Variants in AFG1L observed in about 807,000 individuals in gnomAD.
AFG1L encodes AFG1 like ATPase.
Under a neutral mutation model 62.2 loss-of-function variants are expected in AFG1L, and 53 were observed. That is an observed-to-expected ratio of 0.85 (90% CI 0.68 to 1.07). The LOEUF (loss-of-function observed/expected upper bound fraction) is 1.07. AFG1L is among the 50% of genes least tolerant of loss of function. The pLI is 0.00. For synonymous variants in AFG1L, 228 were observed against 210.3 expected (o/e 1.08, Z -0.73); for missense variants, 555 against 590.5 (o/e 0.94, Z 0.62).
intron 10 of AFG1L, among the ~76,000 whole-genome samples, chr6:108,503,669 A>G (rs1365521200): frequency 6.6e-6 from 1 of 152,202 alleles, no homozygotes; most frequent in Non-Finnish European, 1.5e-5. Flanking sequence ...ACTTAAAGTC[A>G]CCAGCTGCAT....
At chr6:108,401,170 C>G (rs1781589512) in intron 6 of AFG1L, among the ~76,000 whole-genome samples, 1 of 140,194 alleles carries the variant, frequency 7.1e-6, no homozygotes, top group African/African-American at 2.6e-5. Context: ...GAGTCTCGCT[C>G]TGTCGCCCAG....
chr6:108,358,349 C>T lies in AFG1L; in HGVS notation c.648+1529C>T, dbSNP rs146466068. ...AATACCTAGCCTTTGTAAAATGATC[C>T]GTAGTTTACAATGTGTTTTTACATC... is the stretch of plus-strand genomic sequence containing the variant. On this transcript the variant is annotated intron_variant, in intron 5 of 12. Transcript: ENST00000368977. Among the ~76,000 whole-genome samples the T allele has an allele frequency of 2.5e-3, 386 of 152,148 alleles. 1 individual carries two copies. Among genetic ancestry groups the T allele is most frequent in the Non-Finnish European group, 4.1e-3 (276 of 67,988 alleles).
At chr6:108,508,670 T>C (rs1774519519) in intron 10 of AFG1L, among the ~76,000 whole-genome samples, 1 of 152,194 alleles carries the variant, frequency 6.6e-6, no homozygotes, top group Admixed American at 6.5e-5. Flanking sequence ...GATTTACTTG[T>C]ACCTCCCCAC....
At chr6:108,409,763 C>T (rs1243704489) in intron 7 of AFG1L, among the ~76,000 whole-genome samples, 1 of 152,024 alleles carries the variant, frequency 6.6e-6, no homozygotes, top group Non-Finnish European at 1.5e-5. Context: ...ATCAGTGATA[C>T]AGAGCCCAAA....
chr6:108,443,977 CAA>C (rs1186482332), intron 7 of AFG1L, among the ~76,000 whole-genome samples: 1 of 151,992 alleles, frequency 6.6e-6, no homozygotes, highest in Non-Finnish European at 1.5e-5. Context: ...TGAATGCAAA[CAA>C]AATGTCAGCC....
At chr6:108,450,254 C>G (rs1771995903) in intron 8 of AFG1L, among the ~76,000 whole-genome samples, 1 of 152,336 alleles carries the variant, frequency 6.6e-6, no homozygotes, top group Admixed American at 6.5e-5. Flanking sequence ...CACATCCTCT[C>G]CAGCACCTGT....
intron 7 of AFG1L, among the ~76,000 whole-genome samples, chr6:108,434,752 G>A (rs1373482232): frequency 6.6e-6 from 1 of 152,038 alleles, no homozygotes; most frequent in Non-Finnish European, 1.5e-5. Context: ...AGCTTCTATA[G>A]CCCCATTTTG....
At chr6:108,467,387 AG>A (rs1275753063) in intron 8 of AFG1L, among the ~76,000 whole-genome samples, 1 of 151,822 alleles carries the variant, frequency 6.6e-6, no homozygotes, top group Non-Finnish European at 1.5e-5. Context: ...CTGGGATTAC[AG>A]GCCCCCGCCA....
intron 8 of AFG1L, among the ~76,000 whole-genome samples, chr6:108,448,485 CT>C (rs1393816943): frequency 6.7e-6 from 1 of 149,676 alleles, no homozygotes; most frequent in Admixed American, 6.6e-5. Flanking sequence ...TTCTTGTTCT[CT>C]GTTTTTTTTC....
At chr6:108,465,329 A>G (rs1369722717) in intron 8 of AFG1L, among the ~76,000 whole-genome samples, 3 of 152,292 alleles carry the variant, frequency 2.0e-5, no homozygotes, top group African/African-American at 7.2e-5. Context: ...AGATGTCTCT[A>G]CTTCCTCAAA....
At chr6:108,304,408 A>G (rs1777127014) in intron 1 of AFG1L, among the ~76,000 whole-genome samples, 1 of 152,256 alleles carries the variant, frequency 6.6e-6, no homozygotes, top group Non-Finnish European at 1.5e-5. Context: ...ATAATAGAGC[A>G]TAAAATGGGC....
At chr6:108,515,414 A>G (rs1203351009) in intron 11 of AFG1L, among the ~76,000 whole-genome samples, 7 of 152,206 alleles carry the variant, frequency 4.6e-5, no homozygotes, top group Non-Finnish European at 7.3e-5. Flanking sequence ...GGTACATAAC[A>G]AAATGAAGGC....
chr6:108,445,596 A>G lies in AFG1L; in HGVS notation c.808-1618A>G, dbSNP rs1193781961. Among the ~76,000 whole-genome samples, 5 of 148,342 alleles carry G rather than the reference A, an allele frequency of 3.4e-5. No individual in the cohort carries two copies. In the Admixed American group the frequency reaches 3.4e-4, roughly 10 times the overall value. On this transcript the variant is annotated intron_variant, in intron 7 of 12. Coordinates refer to ENST00000368977, the MANE Select transcript of AFG1L (RefSeq NM_145315.5). ...TAGGGCTATTAATCGACATAATTTC[A>G]ATATTCTTGTTTCTCAGAGCATAGG...
chr6:108,508,604 CCTT>C (rs1167361992), intron 10 of AFG1L, among the ~76,000 whole-genome samples: 7 of 152,120 alleles, frequency 4.6e-5, no homozygotes, highest in Non-Finnish European at 7.4e-5. Context: ...ATTGCTGCAT[CCTT>C]CTTAGAACTG....
At chr6:108,334,000 TTTTTG>T (rs773731148) in intron 2 of AFG1L, among the ~76,000 whole-genome samples, 21 of 152,232 alleles carry the variant, frequency 1.4e-4, no homozygotes, top group Non-Finnish European at 2.5e-4. Context: ...GTTAGTTTTG[TTTTTG>T]TTTTGTTTTG....
chr6:108,385,420 G>A (rs1780719966), intron 6 of AFG1L, among the ~76,000 whole-genome samples: 2 of 152,228 alleles, frequency 1.3e-5, no homozygotes, highest in South Asian at 2.1e-4. Context: ...TTAAGGACAT[G>A]TTCTTGCTGC....
At chr6:108,516,491 G>T (rs919186780) in intron 11 of AFG1L, among the ~76,000 whole-genome samples, 28 of 152,210 alleles carry the variant, frequency 1.8e-4, no homozygotes, top group African/African-American at 6.7e-4. Context: ...AGGTATTGAT[G>T]GGATGTATCT....
intron 10 of AFG1L, among the ~76,000 whole-genome samples, chr6:108,496,026 G>A (rs1011419852): frequency 6.6e-6 from 1 of 152,176 alleles, no homozygotes; most frequent in Non-Finnish European, 1.5e-5. Context: ...ACTAACTGAA[G>A]TGCCATTTAG....
chr6:108,399,178 GTTTTTTTTTTTTTT>G (rs57304886), intron 6 of AFG1L, among the ~76,000 whole-genome samples: 2 of 62,206 alleles, frequency 3.2e-5, no homozygotes, highest in Non-Finnish European at 5.5e-5. Flanking sequence ...TCTTTTGTTT[GTTTTTTTTTTTTTT>G]TTTTTTTTTT....
Sources: gnomAD v4.1 joint callset for allele counts (sites outside exome capture counted in the v4.1 genomes callset) on GRCh38, gnomAD v4.1.1 for gene constraint, MANE v1.5 for transcripts, NCBI Gene and HGNC (gene_info 2026-07-23, HGNC 2026-07-21) for gene names.